SLC25A17: variants seen among roughly 807,000 people sequenced by gnomAD.
SLC25A17 encodes the protein solute carrier family 25 member 17, also known as peroxisomal membrane protein PMP34.
In SLC25A17, 26 loss-of-function variants were observed where a neutral mutation model predicts 38.5. That is an observed-to-expected ratio of 0.68 (90% CI 0.50 to 0.94). The LOEUF is 0.94. SLC25A17 is among the 40% of genes least tolerant of loss of function. The pLI is 0.00. For missense variants in SLC25A17, 333 were observed against 372.7 expected (o/e 0.89, Z 0.88); for synonymous variants, 139 against 136.2 (o/e 1.02, Z -0.14).
chr22:40,819,100 C>T (rs2057670463), intron 1 of SLC25A17, 95 bp downstream of exon 1: 1 of 1,333,180 alleles, frequency 7.5e-7, no homozygotes, highest in South Asian at 1.2e-5. Flanking sequence ...CCCACACTAC[C>T]TCCCTCTCAG....
At chr22:40,774,163 TC>T in intron 7 of SLC25A17, 144 bp from the exon 8 acceptor site, 1 of 525,166 alleles carries the variant, frequency 1.9e-6, no homozygotes, top group Non-Finnish European at 3.4e-6. Context: ...ATTTCATTAA[TC>T]CTGTATTTTT....
At chr22:40,812,011 TTCTTTCTTTTTCTC>T (rs1450620712) in intron 1 of SLC25A17, among the ~76,000 whole-genome samples, 2 of 152,044 alleles carry the variant, frequency 1.3e-5, no homozygotes, top group Non-Finnish European at 2.9e-5. Context: ...ACACCTGGAT[TTCTTTCTTTTTCTC>T]TTTTTCTTTC....
chr22:40,783,532 C>T (rs1337018813), intron 4 of SLC25A17, among the ~76,000 whole-genome samples: 3 of 152,162 alleles, frequency 2.0e-5, no homozygotes, highest in Non-Finnish European at 4.4e-5. Flanking sequence ...GGTCTTGCTG[C>T]AGCCTCCTAC....
chr22:40,802,786 T>C (rs1482017049), intron 1 of SLC25A17, among the ~76,000 whole-genome samples: 2 of 152,198 alleles, frequency 1.3e-5, no homozygotes, highest in African/African-American at 2.4e-5. Flanking sequence ...TGAGAACAGA[T>C]TTTTATATAA....
chr22:40,816,933 C>T (rs777419620), intron 1 of SLC25A17, among the ~76,000 whole-genome samples: 1 of 152,030 alleles, frequency 6.6e-6, no homozygotes, highest in African/African-American at 2.4e-5. Context: ...GTCTGACTCC[C>T]CTATTGCAAT....
At position 40,771,043 on chromosome 22, in the gene SLC25A17, A is replaced by AG. The variant is rs1422373480; in HGVS notation, c.777-63dup. ...TCCTGCATCAGAGAACATGCTACCT[A>AG]GATAGCTACTTTGATAAGAACAAGC... On this transcript the variant is annotated intron_variant, in intron 8 of 8. Coordinates refer to ENST00000435456, the MANE Select transcript of SLC25A17 (RefSeq NM_006358.4). 4 of 1,373,544 alleles carry AG rather than the reference A, an allele frequency of 2.9e-6. No homozygotes were observed. The African/African-American group carries it at 5.8e-5, about 20-fold the overall frequency. 85.1% of individuals were successfully genotyped at this position (1,373,544 alleles called of 1,614,324 possible). A position where few individuals can be genotyped will look rare whatever the true frequency, so the allele number is the denominator to read the frequency against.
chr22:40,805,092 T>C (rs2057518163), intron 1 of SLC25A17, among the ~76,000 whole-genome samples: 1 of 152,218 alleles, frequency 6.6e-6, no homozygotes, highest in Admixed American at 6.5e-5. Context: ...TCCTAGCACT[T>C]TGGGAGGCCA....
At chr22:40,790,925 T>C (rs1273590548) in intron 4 of SLC25A17, among the ~76,000 whole-genome samples, 4 of 152,168 alleles carry the variant, frequency 2.6e-5, no homozygotes, top group Admixed American at 2.6e-4. Context: ...AACAAGTCTT[T>C]TTCTGTACAG....
chr22:40,817,203 C>T (rs1392068021), intron 1 of SLC25A17: 6 of 152,220 alleles, frequency 3.9e-5, no homozygotes, highest in Non-Finnish European at 4.4e-5. Flanking sequence ...CAGTCCTCAC[C>T]TTACTTGACC....
In SLC25A17 at chr22:40,792,631, G is replaced by A; in HGVS notation, c.228C>T (p.Cys76=). The A allele has an allele frequency of 6.2e-7, 1 of 1,614,100 alleles. No individual in the cohort carries two copies. Among genetic ancestry groups the A allele is most frequent in the South Asian group, 1.1e-5 (1 of 91,076 alleles). The change falls in exon 4 of 9, where the codon TGC becomes TGT. Residue 76 remains cysteine, a synonymous_variant. Coordinates refer to ENST00000435456, the MANE Select transcript of SLC25A17 (RefSeq NM_006358.4). ...TGTAGAAATAGACAAAATTGGAGCA[G>A]CAGAGACTGGAAATCACTGGAAACC... ...RGWFPVISSL[C]CSNFVYFYTF... is the part of the protein sequence containing the mutation.
At chr22:40,794,451 A>G in intron 3 of SLC25A17, 63 bp downstream of exon 3, 1 of 970,426 alleles carries the variant, frequency 1.0e-6, no homozygotes, top group Non-Finnish European at 1.7e-6. Flanking sequence ...GCATAACTCT[A>G]CTGGAAGCAC....
intron 1 of SLC25A17, 74 bp downstream of exon 1, chr22:40,819,121 C>T: frequency 6.6e-7 from 1 of 1,511,212 alleles, no homozygotes; most frequent in Non-Finnish European, 9.1e-7. Context: ...ACCCATCCCT[C>T]AGGCATATCC....
chr22:40,816,283 T>C (rs951277230), intron 1 of SLC25A17, among the ~76,000 whole-genome samples: 15 of 152,096 alleles, frequency 9.9e-5, no homozygotes, highest in African/African-American at 3.6e-4. Flanking sequence ...CTTTGTAGAT[T>C]AAATAGAAAT....
intron 1 of SLC25A17, among the ~76,000 whole-genome samples, chr22:40,818,731 C>T (rs1022253858): frequency 1.3e-5 from 2 of 148,154 alleles, no homozygotes. Context: ...AAAAAAGGAT[C>T]TATCTTCTCC....
At chr22:40,778,879 A>G in intron 5 of SLC25A17, 130 bp downstream of exon 5, 1 of 733,962 alleles carries the variant, frequency 1.4e-6, no homozygotes, top group Non-Finnish European at 2.2e-6. Context: ...CAAATTTACA[A>G]GAAAAAAAAT....
In SLC25A17 at chr22:40,775,279, A is replaced by T. The variant is rs1251907544; in HGVS notation, c.694-1260T>A. Among the ~76,000 whole-genome samples, 7 of 152,038 alleles carry T rather than the reference A, an allele frequency of 4.6e-5. No individual in the cohort carries two copies. In the South Asian group the frequency reaches 1.5e-3, roughly 32 times the overall value. On this transcript the variant is annotated intron_variant, in intron 7 of 8. Transcript: ENST00000435456. ...CTAGGATACACCAAATTCTTAGTAC[A>T]TTGATATGGTTTGGCTGTGTCCCCA...
At chr22:40,801,883 T>C (rs968753431) in intron 1 of SLC25A17, among the ~76,000 whole-genome samples, 1 of 152,062 alleles carries the variant, frequency 6.6e-6, no homozygotes. Context: ...CTCCACCTCT[T>C]GGATTCAAGC....
chr22:40,791,144 T>C (rs1055176438), intron 4 of SLC25A17, among the ~76,000 whole-genome samples: 1 of 152,158 alleles, frequency 6.6e-6, no homozygotes, highest in African/African-American at 2.4e-5. Context: ...GCTATGGATA[T>C]GGAGAAGAGG....
intron 1 of SLC25A17, among the ~76,000 whole-genome samples, chr22:40,802,708 G>C (rs2057493905): frequency 6.6e-6 from 1 of 152,140 alleles, no homozygotes; most frequent in Non-Finnish European, 1.5e-5. Context: ...AGTAGCACTG[G>C]AAAGACTGGA....
Sources: allele counts gnomAD v4.1 joint callset (sites outside exome capture counted in the v4.1 genomes callset), GRCh38; gene constraint gnomAD v4.1.1; transcripts MANE v1.5; gene names NCBI Gene and HGNC (gene_info 2026-07-23, HGNC 2026-07-21).